The following SLC22A4 variants were observed in gnomAD, a reference collection of about 807,000 sequenced individuals.
SLC22A4 encodes the protein solute carrier family 22 member 4.
A neutral mutation model predicts 56.6 loss-of-function variants in SLC22A4; 39 were observed. The observed-to-expected ratio is 0.69, with a 90% CI of 0.53 to 0.90. SLC22A4 has a LOEUF of 0.90. Ranked by LOEUF, SLC22A4 falls within the 40% of genes least tolerant of loss-of-function variation. SLC22A4 has a pLI of 0.00. For synonymous variants in SLC22A4, 241 were observed against 281.4 expected (o/e 0.86, Z 1.44); for missense variants, 594 against 696.5 (o/e 0.85, Z 1.66).
At position 132,340,602 on chromosome 5, in the gene SLC22A4, T is replaced by C; in HGVS notation, c.1482T>C (p.Gly494=). ...GAATGCTGCCCTACATCGTCATGGGTAGTCTGACTGTCCTGATTGGAATCC... is the reference window on the plus strand; with the variant it reads ...GAATGCTGCCCTACATCGTCATGGGCAGTCTGACTGTCCTGATTGGAATCC... The part of the protein sequence containing the change: ...YNRMLPYIVM[G]SLTVLIGILT... Residue 494 remains glycine, a synonymous_variant, in exon 9 of 10, where the codon GGT becomes GGC. Coordinates refer to ENST00000200652, the MANE Select transcript of SLC22A4 (RefSeq NM_003059.3). 1 of 1,613,830 alleles carries C rather than the reference T, an allele frequency of 6.2e-7. No individual in the cohort carries two copies.
At position 132,295,987 on chromosome 5, in the gene SLC22A4, G is replaced by A. The variant is rs1432472272; in HGVS notation, c.393+978G>A. ...CTAAGGTGTGGACATCTGGTGTGTG[G>A]AGCCTACCCTCAGATGCCCATGGGG... On this transcript the variant is annotated intron_variant, in intron 1 of 9. Coordinates refer to ENST00000200652, the MANE Select transcript of SLC22A4 (RefSeq NM_003059.3). 2.0e-5 allele frequency among the ~76,000 whole-genome samples: 3 copies of A among 152,208 alleles called. No individual in the cohort carries two copies. In the East Asian group the frequency reaches 5.8e-4, roughly 29 times the overall value.
chr5:132,311,512 G>A (rs1750177906), intron 1 of SLC22A4: 2 of 153,858 alleles, frequency 1.3e-5, no homozygotes, highest in Non-Finnish European at 2.9e-5. Context: ...TGGGAAGGAG[G>A]GTGTAGGGAT....
At chr5:132,328,899 A>G (rs13166503) in intron 5 of SLC22A4, among the ~76,000 whole-genome samples, 4,100 of 22,002 alleles carry the variant, frequency 0.19, 169 homozygotes, top group African/African-American at 0.42. Flanking sequence ...ATATGTGTGT[A>G]TGTGTATATA....
At chr5:132,299,154 C>T (rs1397702542) in intron 1 of SLC22A4, among the ~76,000 whole-genome samples, 2 of 152,160 alleles carry the variant, frequency 1.3e-5, no homozygotes, top group East Asian at 3.8e-4. Flanking sequence ...GCCTGAACTG[C>T]CCCCCAACAC....
chr5:132,325,706 C>T (rs550755773), intron 4 of SLC22A4, among the ~76,000 whole-genome samples: 17 of 152,240 alleles, frequency 1.1e-4, no homozygotes, highest in African/African-American at 3.9e-4. Flanking sequence ...GGGGTTACAT[C>T]CCAATAAGCC....
intron 3 of SLC22A4, among the ~76,000 whole-genome samples, chr5:132,317,626 G>A (rs1412395234): frequency 6.6e-6 from 1 of 152,162 alleles, no homozygotes; most frequent in East Asian, 1.9e-4. Context: ...AAGTATTTTT[G>A]TGGATATATG....
chr5:132,333,704 G>C (rs1388970658), intron 6 of SLC22A4, among the ~76,000 whole-genome samples: 1 of 109,974 alleles, frequency 9.1e-6, no homozygotes, highest in Non-Finnish European at 2.0e-5. Flanking sequence ...CAGAAAAGGA[G>C]GAAAGAGAAA....
intron 1 of SLC22A4, among the ~76,000 whole-genome samples, chr5:132,297,561 A>C (rs1408535884): frequency 2.0e-5 from 3 of 152,026 alleles, no homozygotes; most frequent in African/African-American, 7.3e-5. Flanking sequence ...TTGTCTATAA[A>C]TTGGGGGTAC....
At chr5:132,322,502 C>T in intron 4 of SLC22A4, 147 bp downstream of exon 4, 1 of 760,474 alleles carries the variant, frequency 1.3e-6, no homozygotes, top group Non-Finnish European at 2.2e-6. Flanking sequence ...GAGTTTTTGC[C>T]TCATTGTGGG....
At chr5:132,328,397 G>A (rs1465730224) in intron 5 of SLC22A4, among the ~76,000 whole-genome samples, 3 of 152,146 alleles carry the variant, frequency 2.0e-5, no homozygotes, top group South Asian at 2.1e-4. Context: ...TCACCCCCAC[G>A]GCTTCCCCAG....
intron 9 of SLC22A4, among the ~76,000 whole-genome samples, chr5:132,341,590 A>G (rs1382675845): frequency 6.6e-6 from 1 of 152,166 alleles, no homozygotes; most frequent in Non-Finnish European, 1.5e-5. Flanking sequence ...GGGAATAGTT[A>G]TTCAGTAAAA....
rs201419277 is a variant in SLC22A4 at position 132,337,442 on chromosome 5, T to A, written c.1444+1442T>A. On this transcript the variant is annotated intron_variant, in intron 8 of 9. Coordinates refer to ENST00000200652, the MANE Select transcript of SLC22A4 (RefSeq NM_003059.3). ...CATGCACACCGTCAAGCCCAGCTAA[T>A]TTTTTTTTTTTTCTGGTAGAGACGG... is the stretch of plus-strand genomic sequence containing the variant. 6.2e-3 allele frequency among the ~76,000 whole-genome samples: 900 copies of A among 144,516 alleles called. 4 individuals are homozygous for A. The highest frequency in any genetic ancestry group is 0.02 in the East Asian group (99 of 4,970). The allele number at this position is 144,516 out of a possible 152,430, so 94.8% of individuals were successfully genotyped here.
At chr5:132,296,634 T>C (rs1749782579) in intron 1 of SLC22A4, among the ~76,000 whole-genome samples, 1 of 152,192 alleles carries the variant, frequency 6.6e-6, no homozygotes, top group Non-Finnish European at 1.5e-5. Flanking sequence ...TTCTCTGGAT[T>C]TGCTTCCCTA....
At chr5:132,295,628 T>G (rs1749762634) in intron 1 of SLC22A4, 1 of 253,240 alleles carries the variant, frequency 3.9e-6, no homozygotes, top group Non-Finnish European at 7.9e-6. Context: ...CAGGGTGAGT[T>G]GGCAGGCAGG....
At chr5:132,337,426 C>T (rs546387600) in intron 8 of SLC22A4, among the ~76,000 whole-genome samples, 16 of 151,684 alleles carry the variant, frequency 1.1e-4, no homozygotes, top group Admixed American at 3.9e-4. Flanking sequence ...GCATGCACAC[C>T]GTCAAGCCCA....
chr5:132,322,821 G>A (rs572179144), intron 4 of SLC22A4, among the ~76,000 whole-genome samples: 6 of 152,226 alleles, frequency 3.9e-5, no homozygotes, highest in South Asian at 4.2e-4. Context: ...GCTATGTCTC[G>A]AAGAGTGAGA....
Position 132,330,451 on chromosome 5 carries a change from C to T in SLC22A4, c.952-1305C>T, listed in dbSNP as rs571363451. ...ATTAAAAGCAAAAGAATAGGCCGGG[C>T]GCAGTGGCTCACACCTGTAATCCCA... On this transcript the variant is annotated intron_variant, in intron 5 of 9. Transcript: ENST00000200652. 1.4e-4 allele frequency among the ~76,000 whole-genome samples: 21 copies of T among 152,310 alleles called. No individual in the cohort carries two copies. In the South Asian group the frequency reaches 2.3e-3, roughly 17 times the overall value.
chr5:132,307,283 C>G (rs945652919), intron 1 of SLC22A4, among the ~76,000 whole-genome samples: 4 of 152,176 alleles, frequency 2.6e-5, no homozygotes, highest in African/African-American at 9.7e-5. Flanking sequence ...CTACTTCTTA[C>G]TTTTCTCTAG....
chr5:132,314,460 G>A (rs1016020613), intron 3 of SLC22A4, among the ~76,000 whole-genome samples: 4 of 152,224 alleles, frequency 2.6e-5, no homozygotes, highest in Non-Finnish European at 5.9e-5. Context: ...ACAGGAGTGA[G>A]AGAGTGTGTT....
Sources: allele counts gnomAD v4.1 joint callset (sites outside exome capture counted in the v4.1 genomes callset), GRCh38; gene constraint gnomAD v4.1.1; transcripts MANE v1.5; gene names NCBI Gene and HGNC (gene_info 2026-07-23, HGNC 2026-07-21).